The following AFTPH variants were observed in gnomAD, a reference collection of about 807,000 sequenced individuals.
AFTPH encodes the protein aftiphilin protein.
Under a neutral mutation model 72.5 loss-of-function variants are expected in AFTPH, and 7 were observed. That is an observed-to-expected ratio of 0.10 (90% CI 0.05 to 0.18). AFTPH has a LOEUF of 0.18. Among genes scored for constraint, AFTPH ranks in the 10% least tolerant of loss-of-function variants. The probability of loss-of-function intolerance (pLI) is 1.00; values close to 1 mark genes in which losing one functional copy is unlikely to be tolerated. For missense variants in AFTPH, 979 were observed against 1,060.5 expected (o/e 0.92, Z 1.07); for synonymous variants, 337 against 370.1 (o/e 0.91, Z 1.03).
At chr2:64,527,863 A>G (rs80162543) in intron 1 of AFTPH, among the ~76,000 whole-genome samples, 1,870 of 152,224 alleles carry the variant, frequency 0.012, 35 homozygotes, top group African/African-American at 0.043. Context: ...CCTAGTGTCT[A>G]TTTCTGGCCT....
chr2:64,585,543 C>G, exon 8 of AFTPH: 1 of 1,606,182 alleles, frequency 6.2e-7, no homozygotes, highest in African/African-American at 1.3e-5. Flanking sequence ...GCACATCTAC[C>G]AGGTAAATAA....
intron 4 of AFTPH, 141 bp downstream of exon 4, chr2:64,569,359 G>A: frequency 8.4e-7 from 1 of 1,194,302 alleles, no homozygotes; most frequent in Non-Finnish European, 1.1e-6. Context: ...TATTGAATGT[G>A]CTGACTTTTA....
intron 8 of AFTPH, among the ~76,000 whole-genome samples, chr2:64,589,370 G>A (rs1286733256): frequency 6.6e-6 from 1 of 151,964 alleles, no homozygotes; most frequent in African/African-American, 2.4e-5. Context: ...TTTTTTTCCT[G>A]GACTCTCAAT....
At chr2:64,556,080 C>A (rs1000883481) in intron 2 of AFTPH, among the ~76,000 whole-genome samples, 2 of 151,382 alleles carry the variant, frequency 1.3e-5, no homozygotes, top group Admixed American at 6.6e-5. Flanking sequence ...CTCCGCCTCC[C>A]GGGTTCAAGC....
chr2:64,532,564 C>G (rs887741410), intron 1 of AFTPH, among the ~76,000 whole-genome samples: 2 of 152,070 alleles, frequency 1.3e-5, no homozygotes, highest in Non-Finnish European at 2.9e-5. Context: ...GGATAAGGAG[C>G]TTTGTCAAAG....
intron 1 of AFTPH, among the ~76,000 whole-genome samples, chr2:64,541,324 A>G (rs1369483501): frequency 3.9e-5 from 6 of 152,164 alleles, no homozygotes; most frequent in Non-Finnish European, 8.8e-5. Context: ...ACTCAGTGAC[A>G]TACAGTTGGT....
intron 1 of AFTPH, among the ~76,000 whole-genome samples, chr2:64,544,469 G>A (rs1670444001): frequency 6.6e-6 from 1 of 152,110 alleles, no homozygotes; most frequent in Non-Finnish European, 1.5e-5. Flanking sequence ...GAAATTAGAT[G>A]ACTATTTGGG....
chr2:64,539,559 A>G (rs906817608), intron 1 of AFTPH, among the ~76,000 whole-genome samples: 4 of 152,196 alleles, frequency 2.6e-5, no homozygotes, highest in Admixed American at 1.3e-4. Flanking sequence ...AAGCACTAAG[A>G]GACCAGAGGT....
intron 8 of AFTPH, among the ~76,000 whole-genome samples, chr2:64,588,339 A>G (rs778885079): frequency 1.3e-5 from 2 of 152,192 alleles, no homozygotes; most frequent in Non-Finnish European, 2.9e-5. Context: ...TTTTCCATTA[A>G]TCAGTTGATA....
chr2:64,534,399 A>G (rs2103821127), intron 1 of AFTPH, among the ~76,000 whole-genome samples: 1 of 152,166 alleles, frequency 6.6e-6, no homozygotes, highest in East Asian at 1.9e-4. Flanking sequence ...AGAGTTTCAG[A>G]TATCAAAAAT....
Position 64,591,884 on chromosome 2 carries a change from G to C in AFTPH, c.2580-1G>C. 6.2e-7 allele frequency: 1 copy of C among 1,613,104 alleles called. No homozygotes were observed. Among genetic ancestry groups the C allele is most frequent in the Non-Finnish European group, 8.5e-7 (1 of 1,179,574 alleles). ...ACACTTGTCTTTTTTTCATTTGTCA[G>C]TAGGAAACCGAAAAGAGAAGAGCAC... is the stretch of plus-strand genomic sequence containing the variant. On this transcript the variant is annotated splice_acceptor_variant, in intron 8 of 8. Transcript: ENST00000238856. LOFTEE classifies it high-confidence loss of function.
intron 6 of AFTPH, among the ~76,000 whole-genome samples, chr2:64,578,340 AT>A (rs1672948423): frequency 6.6e-6 from 1 of 152,216 alleles, no homozygotes; most frequent in Admixed American, 6.5e-5. Context: ...AGACGATAAC[AT>A]TTTGATATCA....
At chr2:64,553,399 C>T (rs146619558) in exon 2 of AFTPH, 2 of 1,579,194 alleles carry the variant, frequency 1.3e-6, no homozygotes, top group African/African-American at 2.7e-5. Flanking sequence ...GAATCAGCCA[C>T]TTCAGTTCAG....
chr2:64,555,555 T>TCACACA (rs111905151), intron 2 of AFTPH, among the ~76,000 whole-genome samples: 4,168 of 140,820 alleles, frequency 0.03, 87 homozygotes, highest in African/African-American at 0.057. Flanking sequence ...AGAGAGACTG[T>TCACACA]CACACACACA....
intron 1 of AFTPH, among the ~76,000 whole-genome samples, chr2:64,531,814 C>T (rs1379811447): frequency 6.6e-6 from 1 of 152,094 alleles, no homozygotes; most frequent in East Asian, 1.9e-4. Context: ...TTAAATGTGG[C>T]TACTAGAAGA....
intron 1 of AFTPH, among the ~76,000 whole-genome samples, chr2:64,533,624 T>G (rs1472426828): frequency 6.6e-6 from 1 of 152,140 alleles, no homozygotes; most frequent in Non-Finnish European, 1.5e-5. Flanking sequence ...ACCATTGTTA[T>G]GAGACTTGGA....
chr2:64,548,433 A>AAAAAAAAAAAAAAAAAAC (rs1243472946), intron 1 of AFTPH, among the ~76,000 whole-genome samples: 4 of 102,610 alleles, frequency 3.9e-5, no homozygotes, highest in South Asian at 3.6e-4. Flanking sequence ...AAAAAAAAAA[A>AAAAAAAAAAAAAAAAAAC]AACTTTAGAA....
intron 1 of AFTPH, among the ~76,000 whole-genome samples, chr2:64,549,854 A>G (rs966453926): frequency 2.0e-5 from 3 of 152,186 alleles, no homozygotes; most frequent in African/African-American, 7.2e-5. Context: ...TTAAAATTAA[A>G]TGTTTTTTAT....
Position 64,564,283 on chromosome 2 carries a change from A to G in AFTPH, c.1936-3279A>G, listed in dbSNP as rs138478902. 6.0e-4 allele frequency among the ~76,000 whole-genome samples: 91 copies of G among 152,260 alleles called. 1 individual carries two copies. In the East Asian group the frequency reaches 0.016, roughly 26 times the overall value. On this transcript the variant is annotated intron_variant, in intron 2 of 8. Transcript: ENST00000238856. ...AGTGAGCTTTGATTCTAGTTTTGCC[A>G]TTCATTTATTTCATTCCCTGGCAAG...
Sources: allele counts gnomAD v4.1 joint callset (sites outside exome capture counted in the v4.1 genomes callset), GRCh38; gene constraint gnomAD v4.1.1; transcripts MANE v1.5; gene names NCBI Gene and HGNC (gene_info 2026-07-23, HGNC 2026-07-21).